Variants in POU6F2 observed in about 807,000 individuals in gnomAD.
POU6F2 encodes the protein POU class 6 homeobox 2.
POU6F2 carries 31 observed loss-of-function variants against 71.3 expected under a neutral mutation model. The ratio of observed to expected loss-of-function variants is 0.43; its 90% CI spans 0.33 to 0.59. POU6F2 has a LOEUF of 0.59. Among genes scored for constraint, POU6F2 ranks in the 20% least tolerant of loss-of-function variants. The probability of loss-of-function intolerance (pLI) is 0.04; values close to 1 mark genes in which losing one functional copy is unlikely to be tolerated. For synonymous variants in POU6F2, 347 were observed against 355.7 expected (o/e 0.98, Z 0.27); for missense variants, 783 against 856.8 (o/e 0.91, Z 1.07).
chr7:39,236,825 C>T (rs1470360943), intron 4 of POU6F2, among the ~76,000 whole-genome samples: 2 of 152,122 alleles, frequency 1.3e-5, no homozygotes, highest in South Asian at 2.1e-4. Flanking sequence ...ACAAATGTAT[C>T]CTCTTAACAA....
chr7:39,460,147 A>G lies in POU6F2; in HGVS notation c.1490-400A>G, dbSNP rs1788911941. ...TTTAGCACTAAATATGCTAATTAAA[A>G]CATTTCAAATGGAAACCTTTCCCTT... On this transcript the variant is annotated intron_variant, in intron 8 of 9. Transcript: ENST00000518318. This position sits in a 1 kb window ranked among gnomAD's most constrained non-coding sequence, Gnocchi z 4.4. Among the ~76,000 whole-genome samples, 2 of 152,240 alleles carry G rather than the reference A, an allele frequency of 1.3e-5. No homozygotes were observed. Among genetic ancestry groups the G allele is most frequent in the Admixed American group, 6.5e-5 (1 of 15,286 alleles).
At chr7:39,294,037 G>C (rs1270551876) in intron 4 of POU6F2, among the ~76,000 whole-genome samples, 1 of 152,042 alleles carries the variant, frequency 6.6e-6, no homozygotes, top group Non-Finnish European at 1.5e-5. Flanking sequence ...GAGGCAATTT[G>C]TTAATAGCAT....
intron 7 of POU6F2, among the ~76,000 whole-genome samples, chr7:39,434,954 G>A (rs1183150826): frequency 6.6e-6 from 1 of 152,192 alleles, no homozygotes; most frequent in Non-Finnish European, 1.5e-5. Context: ...CCCTGCAAAG[G>A]ACATGACCTC....
chr7:39,460,771 C>T lies in POU6F2; in HGVS notation c.1658+56C>T. The stretch of plus-strand genomic sequence containing the variant: ...CTAGCCGCCCTGGGCCTCATTTGTC[C>T]TCGCGGTTCAGCTTTTCTTCGTCGG... On this transcript the variant is annotated intron_variant, in intron 9 of 9. Transcript: ENST00000518318. The surrounding 1 kb of genome is among the most constrained non-coding windows in gnomAD (Gnocchi z 4.4). 1 of 1,464,468 alleles carries T rather than the reference C, an allele frequency of 6.8e-7. No individual in the cohort carries two copies. Among genetic ancestry groups the T allele is most frequent in the Non-Finnish European group, 9.0e-7 (1 of 1,105,792 alleles). The allele number at this position is 1,464,468 out of a possible 1,614,324, so 90.7% of individuals were successfully genotyped here.
intron 4 of POU6F2, among the ~76,000 whole-genome samples, chr7:39,339,328 G>C (rs1158600282): frequency 6.6e-6 from 1 of 152,182 alleles, no homozygotes; most frequent in Non-Finnish European, 1.5e-5. Flanking sequence ...AGTATGGAAA[G>C]GAAGAGAGAG....
chr7:39,347,544 C>A (rs1379736871), intron 5 of POU6F2, among the ~76,000 whole-genome samples: 1 of 152,140 alleles, frequency 6.6e-6, no homozygotes, highest in African/African-American at 2.4e-5. Context: ...TAGCCATGCA[C>A]TCACATAATG....
At chr7:38,989,819 G>GTGTT (rs1788557612) in intron 1 of POU6F2, among the ~76,000 whole-genome samples, 1 of 135,484 alleles carries the variant, frequency 7.4e-6, no homozygotes, top group African/African-American at 2.6e-5. Flanking sequence ...GTGTGTGTGT[G>GTGTT]TGTGTGTTTG....
At chr7:39,255,549 G>T (rs550639856) in intron 4 of POU6F2, among the ~76,000 whole-genome samples, 1 of 152,194 alleles carries the variant, frequency 6.6e-6, no homozygotes, top group East Asian at 1.9e-4. Flanking sequence ...AATGACTGCA[G>T]TCTTAATATT....
At chr7:39,267,231 G>GTGTAGGAAAATT (rs1784263237) in intron 4 of POU6F2, among the ~76,000 whole-genome samples, 4 of 152,126 alleles carry the variant, frequency 2.6e-5, no homozygotes, top group Non-Finnish European at 5.9e-5. Context: ...CACACACACA[G>GTGTAGGAAAATT]ACGCCCATAA....
intron 2 of POU6F2, 90 bp from the exon 3 acceptor site, chr7:39,204,145 T>G (rs1330762842): frequency 6.3e-6 from 7 of 1,107,416 alleles, no homozygotes; most frequent in Non-Finnish European, 9.5e-6. Context: ...GATAAACCAC[T>G]CTGTCATATC....
chr7:38,997,506 A>G (rs1437702658), intron 1 of POU6F2, among the ~76,000 whole-genome samples: 2 of 152,192 alleles, frequency 1.3e-5, no homozygotes, highest in African/African-American at 2.4e-5. Context: ...CTTAGAGCAC[A>G]TCGTGCCTCT....
At chr7:39,321,988 T>A (rs761753384) in intron 4 of POU6F2, among the ~76,000 whole-genome samples, 67 of 152,278 alleles carry the variant, frequency 4.4e-4, no homozygotes, top group Non-Finnish European at 8.1e-4. Context: ...ATGAAGTAAG[T>A]ACCTTATAGT....
At chr7:39,225,748 A>G (rs1794449005) in intron 4 of POU6F2, among the ~76,000 whole-genome samples, 1 of 152,250 alleles carries the variant, frequency 6.6e-6, no homozygotes, top group Non-Finnish European at 1.5e-5. Flanking sequence ...CATGCTGTGT[A>G]TGTAATAGAT....
At chr7:39,415,668 C>G (rs912451640) in intron 6 of POU6F2, among the ~76,000 whole-genome samples, 1 of 152,190 alleles carries the variant, frequency 6.6e-6, no homozygotes, top group Non-Finnish European at 1.5e-5. Flanking sequence ...TGGCTTAATT[C>G]TTAGAGGAGT....
At chr7:39,042,006 G>T (rs1001476354) in intron 1 of POU6F2, among the ~76,000 whole-genome samples, 1 of 151,968 alleles carries the variant, frequency 6.6e-6, no homozygotes, top group African/African-American at 2.4e-5. Context: ...GAAACTGATA[G>T]TTTCCTATGA....
chr7:39,086,536 A>G (rs1026827499), intron 2 of POU6F2, among the ~76,000 whole-genome samples: 1 of 152,184 alleles, frequency 6.6e-6, no homozygotes, highest in Admixed American at 6.5e-5. Context: ...GAGAAATAAC[A>G]TTGTGTCATC....
intron 2 of POU6F2, among the ~76,000 whole-genome samples, chr7:39,149,160 C>T (rs1792688108): frequency 6.6e-6 from 1 of 152,178 alleles, no homozygotes; most frequent in African/African-American, 2.4e-5. Flanking sequence ...CTTATTCTCA[C>T]TCCATTCCTC....
At chr7:39,124,553 G>T (rs564120315) in intron 2 of POU6F2, among the ~76,000 whole-genome samples, 48 of 152,322 alleles carry the variant, frequency 3.2e-4, no homozygotes, top group South Asian at 6.2e-4. Context: ...ATGTATGGAA[G>T]TATTGAAGAG....
At chr7:39,443,100 A>G (rs763841490) in intron 7 of POU6F2, among the ~76,000 whole-genome samples, 1 of 152,198 alleles carries the variant, frequency 6.6e-6, no homozygotes, top group Non-Finnish European at 1.5e-5. Flanking sequence ...CTCACGCAGC[A>G]TCTGTCAGCC....
Sources: gnomAD v4.1 joint callset for allele counts (sites outside exome capture counted in the v4.1 genomes callset) on GRCh38, gnomAD v4.1.1 for gene constraint, Gnocchi (gnomAD v3.1) non-coding constraint, MANE v1.5 for transcripts, NCBI Gene and HGNC (gene_info 2026-07-23, HGNC 2026-07-21) for gene names.